The following MUSK variants were observed in gnomAD, a reference collection of about 807,000 sequenced individuals.
MUSK encodes muscle associated receptor tyrosine kinase, also known as muscle, skeletal receptor tyrosine-protein kinase.
A neutral mutation model predicts 88.7 loss-of-function variants in MUSK; 55 were observed. The observed-to-expected ratio is 0.62, with a 90% confidence interval of 0.50 to 0.78. The LOEUF is 0.78. Ranked by LOEUF, MUSK falls within the 30% of genes least tolerant of loss-of-function variation. The pLI, the probability that MUSK is intolerant of heterozygous loss-of-function variation, is 0.00. For synonymous variants in MUSK, 387 were observed against 391.9 expected (o/e 0.99, Z 0.15); for missense variants, 1,015 against 1,074.3 (o/e 0.94, Z 0.77).
At chr9:110,770,447 A>T (rs1199085268) in intron 9 of MUSK, among the ~76,000 whole-genome samples, 2 of 146,586 alleles carry the variant, frequency 1.4e-5, no homozygotes, top group Non-Finnish European at 3.0e-5. Flanking sequence ...ACAATTATAT[A>T]TTAATTATAT....
intron 5 of MUSK, among the ~76,000 whole-genome samples, chr9:110,726,998 A>G (rs930297667): frequency 2.0e-4 from 30 of 152,244 alleles, no homozygotes; most frequent in East Asian, 7.7e-4. Context: ...TCCAATACCT[A>G]TGCTTTACCA....
intron 5 of MUSK, among the ~76,000 whole-genome samples, chr9:110,709,732 AATTTTT>A (rs1423345709): frequency 1.3e-5 from 2 of 152,192 alleles, no homozygotes; most frequent in African/African-American, 2.4e-5. Context: ...GCAAAAACTA[AATTTTT>A]ATTTTTAATA....
chr9:110,715,939 TG>T (rs1345768508), intron 5 of MUSK, among the ~76,000 whole-genome samples: 1 of 148,836 alleles, frequency 6.7e-6, no homozygotes, highest in Admixed American at 6.6e-5. Context: ...CATGGACACA[TG>T]GGGGGAACAA....
intron 5 of MUSK, among the ~76,000 whole-genome samples, chr9:110,710,324 G>C (rs1199397650): frequency 6.6e-6 from 1 of 152,124 alleles, no homozygotes; most frequent in Non-Finnish European, 1.5e-5. Flanking sequence ...GTGAAATGGG[G>C]GGTAATATTA....
intron 5 of MUSK, among the ~76,000 whole-genome samples, chr9:110,725,642 G>A (rs763568502): frequency 3.3e-5 from 5 of 151,926 alleles, no homozygotes; most frequent in Non-Finnish European, 7.4e-5. Context: ...CAAATAACTT[G>A]TTTAACAATA....
intron 7 of MUSK, among the ~76,000 whole-genome samples, chr9:110,755,983 T>C (rs12379045): frequency 1.0e-3 from 128 of 126,890 alleles, no homozygotes; most frequent in East Asian, 2.9e-3. Flanking sequence ...TATATACATA[T>C]ATATATATAT....
intron 14 of MUSK, among the ~76,000 whole-genome samples, chr9:110,797,400 A>G (rs2078026069): frequency 6.6e-6 from 1 of 152,122 alleles, no homozygotes; most frequent in Admixed American, 6.6e-5. Flanking sequence ...AGAGTAACTG[A>G]AAATGAGATT....
intron 6 of MUSK, among the ~76,000 whole-genome samples, chr9:110,738,131 G>A (rs1337333936): frequency 6.6e-6 from 1 of 152,038 alleles, no homozygotes; most frequent in Non-Finnish European, 1.5e-5. Flanking sequence ...CTAGGTTTCA[G>A]CTACTTAGTT....
intron 9 of MUSK, among the ~76,000 whole-genome samples, chr9:110,769,472 AAG>A (rs1260640171): frequency 6.6e-6 from 1 of 152,082 alleles, no homozygotes; most frequent in Non-Finnish European, 1.5e-5. Context: ...AGGAGAGAAA[AAG>A]TAAAATTACT....
chr9:110,678,848 ATATAAT>A lies in MUSK; in HGVS notation c.80-3821_80-3816del, dbSNP rs544347193. 6.4e-3 allele frequency among the ~76,000 whole-genome samples: 980 copies of A among 152,110 alleles called. 12 individuals are homozygous for A. The highest frequency in any genetic ancestry group is 0.024 in the Middle Eastern group (7 of 292). ...ATTCTGCTATTCTGTTTTACTACAT[ATATAAT>A]TATATTTTTGTCTTTTGATCTATAA... On this transcript the variant is annotated intron_variant, in intron 1 of 14. Coordinates refer to ENST00000374448, the MANE Select transcript of MUSK (RefSeq NM_005592.4).
rs1465600487 is a variant in MUSK, at chr9:110,690,202, ATATAAATATATATTTAAG to A, written c.358+2957_358+2974del. On this transcript the variant is annotated intron_variant, in intron 3 of 14. Coordinates refer to ENST00000374448, the MANE Select transcript of MUSK (RefSeq NM_005592.4). Reference sequence around the variant, plus strand: ...TATATATTTAAGTATATATAAATATATATAAATATATATTTAAGTATAAATATATATTTAAGTATATAT... The same window carrying A: ...TATATATTTAAGTATATATAAATATATATAAATATATATTTAAGTATATAT... Among the ~76,000 whole-genome samples, 5 of 105,238 alleles carry A rather than the reference ATATAAATATATATTTAAG, an allele frequency of 4.8e-5. No homozygotes were observed. The South Asian group carries it at 1.0e-3, about 21-fold the overall frequency. The allele number at this position is 105,238 out of a possible 152,430, so 69.0% of individuals were successfully genotyped here.
chr9:110,782,381 A>AT (rs1249606928), intron 11 of MUSK, among the ~76,000 whole-genome samples: 1 of 152,206 alleles, frequency 6.6e-6, no homozygotes, highest in Non-Finnish European at 1.5e-5. Context: ...GGAAAGAAAC[A>AT]TTTAAATCCA....
intron 5 of MUSK, among the ~76,000 whole-genome samples, chr9:110,713,638 C>A (rs1054602897): frequency 6.6e-6 from 1 of 152,124 alleles, no homozygotes; most frequent in Non-Finnish European, 1.5e-5. Context: ...AGGCATATGG[C>A]CTTATCTGGC....
intron 5 of MUSK, among the ~76,000 whole-genome samples, chr9:110,721,551 C>T (rs975813878): frequency 1.8e-4 from 27 of 152,042 alleles, no homozygotes; most frequent in African/African-American, 6.5e-4. Context: ...TGAAAGACCT[C>T]TACAAGGAAA....
chr9:110,675,517 G>A (rs2076015266), intron 1 of MUSK, among the ~76,000 whole-genome samples: 1 of 147,988 alleles, frequency 6.8e-6, no homozygotes, highest in African/African-American at 2.5e-5. Flanking sequence ...CACCGTGCCT[G>A]GCCGCTACAT....
At chr9:110,704,858 A>G (rs2076575681) in intron 5 of MUSK, among the ~76,000 whole-genome samples, 1 of 151,914 alleles carries the variant, frequency 6.6e-6, no homozygotes, top group Admixed American at 6.6e-5. Flanking sequence ...GGTGGCAGGC[A>G]CCTGAAATTC....
intron 8 of MUSK, among the ~76,000 whole-genome samples, chr9:110,766,642 T>G: frequency 6.6e-6 from 1 of 152,346 alleles, no homozygotes; most frequent in East Asian, 1.9e-4. Flanking sequence ...AGTATTAATT[T>G]TTTAAATTCA....
chr9:110,734,227 T>G, intron 5 of MUSK, 24 bp from the exon 6 acceptor site: 1 of 1,600,300 alleles, frequency 6.2e-7, no homozygotes, highest in Non-Finnish European at 8.5e-7. Context: ...GGAGCGTCAC[T>G]CACCACTTCT....
rs1284878374 is a variant in MUSK, at chr9:110,802,095, C to A, written c.*1107C>A. On this transcript the variant is annotated 3_prime_UTR_variant, in exon 15 of 15. Transcript: ENST00000374448. ...CTTGTGGCTCTGAGTTATTTCAAAACTGATATTTCTGTGCATTCTGACATT... is the reference window on the plus strand; with the variant it reads ...CTTGTGGCTCTGAGTTATTTCAAAAATGATATTTCTGTGCATTCTGACATT... Among the ~76,000 whole-genome samples, 1 of 152,086 alleles carries A rather than the reference C, an allele frequency of 6.6e-6. No homozygotes were observed. The highest frequency in any genetic ancestry group is 2.4e-5 in the African/African-American group (1 of 41,402).
Sources: gnomAD v4.1 joint callset for allele counts (sites outside exome capture counted in the v4.1 genomes callset) on GRCh38, gnomAD v4.1.1 for gene constraint, MANE v1.5 for transcripts, NCBI Gene and HGNC (gene_info 2026-07-23, HGNC 2026-07-21) for gene names.